The following ITGA8 variants were observed in gnomAD, a reference collection of about 807,000 sequenced individuals.
ITGA8 encodes the protein integrin subunit alpha 8.
Under a neutral mutation model 142.3 loss-of-function variants are expected in ITGA8, and 91 were observed. The ratio of observed to expected loss-of-function variants is 0.64; its 90% CI spans 0.54 to 0.76. The LOEUF (loss-of-function observed/expected upper bound fraction) is 0.76. Among genes scored for constraint, ITGA8 ranks in the 30% least tolerant of loss-of-function variants. ITGA8 has a pLI of 0.00. For synonymous variants in ITGA8, 505 were observed against 485.2 expected (o/e 1.04, Z -0.54); for missense variants, 1,406 against 1,327.7 (o/e 1.06, Z -0.92).
intron 27 of ITGA8, among the ~76,000 whole-genome samples, chr10:15,537,971 C>CAAAA (rs781560418): frequency 7.4e-6 from 1 of 135,704 alleles, no homozygotes; most frequent in African/African-American, 3.2e-5. Flanking sequence ...CAAAACAAAA[C>CAAAA]AAAAAAAAAA....
At chr10:15,654,527 T>C (rs1180138396) in intron 11 of ITGA8, among the ~76,000 whole-genome samples, 3 of 152,212 alleles carry the variant, frequency 2.0e-5, no homozygotes, top group African/African-American at 7.2e-5. Context: ...CAAAGTCCAT[T>C]GACAGCTATA....
chr10:15,527,595 A>C (rs1833199147), intron 28 of ITGA8, among the ~76,000 whole-genome samples: 1 of 152,304 alleles, frequency 6.6e-6, no homozygotes, highest in South Asian at 2.1e-4. Context: ...CAAGCATCAC[A>C]GGACATGAGG....
chr10:15,656,257 A>G (rs1175749686), intron 10 of ITGA8, among the ~76,000 whole-genome samples: 1 of 152,164 alleles, frequency 6.6e-6, no homozygotes, highest in Non-Finnish European at 1.5e-5. Context: ...TGTCGGGGGA[A>G]CCCACATCTC....
intron 8 of ITGA8, among the ~76,000 whole-genome samples, chr10:15,669,095 G>A (rs188829626): frequency 5.3e-5 from 8 of 152,234 alleles, no homozygotes; most frequent in Admixed American, 2.6e-4. Flanking sequence ...GTTCTCCTGG[G>A]TAATATCCTG....
At chr10:15,606,150 G>T in intron 18 of ITGA8, 135 bp downstream of exon 18, 1 of 751,238 alleles carries the variant, frequency 1.3e-6, no homozygotes. Context: ...AAACATGGTA[G>T]GAAAACTCCC....
chr10:15,671,672 C>T (rs760549949), intron 7 of ITGA8, 25 bp from the exon 8 acceptor site: 2 of 1,576,100 alleles, frequency 1.3e-6, no homozygotes, highest in Non-Finnish European at 1.7e-6. Flanking sequence ...AAGAAACAAA[C>T]TAATCACACT....
intron 4 of ITGA8, among the ~76,000 whole-genome samples, chr10:15,680,645 C>T (rs1834720232): frequency 6.6e-6 from 1 of 152,000 alleles, no homozygotes; most frequent in African/African-American, 2.4e-5. Context: ...TTTTAAAAAT[C>T]CCTTTTAAAT....
In ITGA8 at chr10:15,514,352, T is replaced by G. The variant is rs1314291415; in HGVS notation, c.*2806A>C. The stretch of plus-strand genomic sequence containing the variant: ...TGCTGGAAGGTTTGCCTGACCTCAG[T>G]TTCCTCCCTTTCTCCATTTGCTTCC... On this transcript the variant is annotated 3_prime_UTR_variant, in exon 30 of 30. Coordinates refer to ENST00000378076, the MANE Select transcript of ITGA8 (RefSeq NM_003638.3). 1 of 152,168 alleles carries G rather than the reference T, an allele frequency of 6.6e-6. No individual in the cohort carries two copies. Among genetic ancestry groups the G allele is most frequent in the Non-Finnish European group, 1.5e-5 (1 of 68,064 alleles). 9.4% of individuals were successfully genotyped at this position (152,168 alleles called of 1,614,324 possible). A position where few individuals can be genotyped will look rare whatever the true frequency, so the allele number is the denominator to read the frequency against.
chr10:15,694,237 A>AT (rs1295854946), intron 2 of ITGA8, among the ~76,000 whole-genome samples: 2 of 136,138 alleles, frequency 1.5e-5, no homozygotes, highest in Non-Finnish European at 3.1e-5. Context: ...ATATGATAAT[A>AT]TATCATATAT....
intron 15 of ITGA8, among the ~76,000 whole-genome samples, chr10:15,612,083 C>G (rs553121556): frequency 1.4e-4 from 21 of 152,240 alleles, no homozygotes; most frequent in Admixed American, 8.5e-4. Flanking sequence ...CGCTGGCTCT[C>G]TGACATATTT....
At chr10:15,574,715 T>A (rs7078787) in intron 24 of ITGA8, among the ~76,000 whole-genome samples, 13,824 of 95,222 alleles carry the variant, frequency 0.15, 750 homozygotes, top group East Asian at 0.3. Context: ...ATATATATAT[T>A]TTTTTTTTAG....
chr10:15,645,197 T>C (rs531722691), intron 12 of ITGA8, among the ~76,000 whole-genome samples: 17 of 152,138 alleles, frequency 1.1e-4, no homozygotes, highest in African/African-American at 4.1e-4. Context: ...TTCGACACTT[T>C]CTTAACTTTC....
chr10:15,599,048 C>T (rs1833056602), intron 20 of ITGA8, among the ~76,000 whole-genome samples: 1 of 151,272 alleles, frequency 6.6e-6, no homozygotes, highest in African/African-American at 2.4e-5. Flanking sequence ...CTCATATGTC[C>T]CTTGAATTAC....
intron 13 of ITGA8, among the ~76,000 whole-genome samples, chr10:15,624,674 C>T (rs1833549998): frequency 6.6e-6 from 1 of 152,172 alleles, no homozygotes; most frequent in South Asian, 2.1e-4. Context: ...CCCATCACTG[C>T]CCAGGTCCCA....
chr10:15,589,167 A>G (rs1426201125), intron 22 of ITGA8, among the ~76,000 whole-genome samples: 1 of 152,240 alleles, frequency 6.6e-6, no homozygotes, highest in African/African-American at 2.4e-5. Context: ...ACCCTATGTT[A>G]TATACTATGG....
chr10:15,679,134 C>G (rs1235139326), intron 4 of ITGA8, among the ~76,000 whole-genome samples: 1 of 152,024 alleles, frequency 6.6e-6, no homozygotes, highest in Non-Finnish European at 1.5e-5. Flanking sequence ...CTCTTTTGCC[C>G]CCTCGTGCTG....
At chr10:15,632,086 G>A (rs1285356915) in intron 13 of ITGA8, among the ~76,000 whole-genome samples, 2 of 151,978 alleles carry the variant, frequency 1.3e-5, no homozygotes, top group Admixed American at 6.6e-5. Flanking sequence ...GATTCTGAAG[G>A]CTATATTATT....
At chr10:15,694,524 TATA>T (rs1835010377) in intron 2 of ITGA8, among the ~76,000 whole-genome samples, 1 of 138,232 alleles carries the variant, frequency 7.2e-6, no homozygotes, top group Non-Finnish European at 1.5e-5. Context: ...ATTATAGATT[TATA>T]ATATATAAAA....
At chr10:15,681,351 G>C (rs1353757242) in intron 4 of ITGA8, among the ~76,000 whole-genome samples, 3 of 152,180 alleles carry the variant, frequency 2.0e-5, no homozygotes, top group Non-Finnish European at 4.4e-5. Flanking sequence ...GTACCCGTAG[G>C]AATAGGGAGA....
Sources: gnomAD v4.1 joint callset for allele counts (sites outside exome capture counted in the v4.1 genomes callset) on GRCh38, gnomAD v4.1.1 for gene constraint, MANE v1.5 for transcripts, NCBI Gene and HGNC (gene_info 2026-07-23, HGNC 2026-07-21) for gene names.